Variants in RCN2 observed in about 807,000 individuals in gnomAD.
RCN2 encodes the protein reticulocalbin 2.
A neutral mutation model predicts 37.5 loss-of-function variants in RCN2; 23 were observed. That is an observed-to-expected ratio of 0.61 (90% CI 0.44 to 0.87). The LOEUF (loss-of-function observed/expected upper bound fraction) is 0.87, where lower values mean the gene tolerates loss of function less well. Ranked by LOEUF, RCN2 falls within the 40% of genes least tolerant of loss-of-function variation. The pLI, the probability that RCN2 is intolerant of heterozygous loss-of-function variation, is 0.00. For synonymous variants in RCN2, 140 were observed against 144.6 expected (o/e 0.97, Z 0.23); for missense variants, 381 against 390.4 (o/e 0.98, Z 0.20).
intron 4 of RCN2, among the ~76,000 whole-genome samples, chr15:76,945,742 C>G (rs573933007): frequency 6.6e-6 from 1 of 152,130 alleles, no homozygotes; most frequent in Non-Finnish European, 1.5e-5. Flanking sequence ...CATGGTAGAC[C>G]CTGCTGCCTT....
At position 76,932,587 on chromosome 15, in the gene RCN2, G is replaced by T. The variant is rs2075229157; in HGVS notation, c.250+121G>T. On this transcript the variant is annotated intron_variant, in intron 2 of 6. Coordinates refer to ENST00000394885, the MANE Select transcript of RCN2 (RefSeq NM_002902.3). Reference sequence around the variant, plus strand: ...GGAAGTCCTGTGAGAAGGAGAAAAGGACATGGAGAATAGGCTTTATACTTA... The same window carrying T: ...GGAAGTCCTGTGAGAAGGAGAAAAGTACATGGAGAATAGGCTTTATACTTA... 12 of 698,022 alleles carry T rather than the reference G, an allele frequency of 1.7e-5. No individual in the cohort carries two copies. The South Asian group carries it at 1.9e-4, about 11-fold the overall frequency. The allele number at this position is 698,022 out of a possible 1,614,324, so 43.2% of individuals were successfully genotyped here. A position where few individuals can be genotyped will look rare whatever the true frequency, so the allele number is the denominator to read the frequency against.
In RCN2 at chr15:76,949,251, G is replaced by C; in HGVS notation, c.*29G>C. The C allele has an allele frequency of 6.9e-7, 1 of 1,447,568 alleles. No homozygotes were observed. The highest frequency in any genetic ancestry group is 9.3e-7 in the Non-Finnish European group (1 of 1,080,974). The allele number at this position is 1,447,568 out of a possible 1,614,324, so 89.7% of individuals were successfully genotyped here. A position where few individuals can be genotyped will look rare whatever the true frequency, so the allele number is the denominator to read the frequency against. On this transcript the variant is annotated 3_prime_UTR_variant, in exon 7 of 7. Coordinates refer to ENST00000394885, the MANE Select transcript of RCN2 (RefSeq NM_002902.3). ...CTGAGCCTGTCTCAGTAGAGTACTGGCTCCTTTTATAATTTGTTACCAGCT... is the reference window on the plus strand; with the variant it reads ...CTGAGCCTGTCTCAGTAGAGTACTGCCTCCTTTTATAATTTGTTACCAGCT...
chr15:76,932,548 T>C, intron 2 of RCN2, 82 bp downstream of exon 2: 1 of 941,400 alleles, frequency 1.1e-6, no homozygotes, highest in Non-Finnish European at 1.7e-6. Flanking sequence ...TATAGATTGC[T>C]AGTGTCCCAA....
At chr15:76,947,271 G>A (rs1222487485) in intron 4 of RCN2, 150 bp from the exon 5 acceptor site, 1 of 567,272 alleles carries the variant, frequency 1.8e-6, no homozygotes, top group Non-Finnish European at 3.1e-6. Flanking sequence ...GATTTTTCCT[G>A]TATAAGTACC....
chr15:76,932,239 G>C, intron 1 of RCN2, 122 bp from the exon 2 acceptor site: 1 of 792,420 alleles, frequency 1.3e-6, no homozygotes, highest in Non-Finnish European at 2.1e-6. Context: ...GCCTTGAAGT[G>C]CAGGTGCGGG....
chr15:76,948,337 G>A, intron 5 of RCN2, 73 bp from the exon 6 acceptor site: 1 of 1,045,584 alleles, frequency 9.6e-7, no homozygotes, highest in Non-Finnish European at 1.3e-6. Context: ...CTTTATTCTA[G>A]GGATATACCA....
Position 76,946,594 on chromosome 15 carries a change from A to C in RCN2, c.562-827A>C, listed in dbSNP as rs550679209. 7.9e-5 allele frequency among the ~76,000 whole-genome samples: 12 copies of C among 152,330 alleles called. No homozygotes were observed. In the East Asian group the frequency reaches 2.3e-3, roughly 29 times the overall value. ...TGGCAAAACACTGTCTCTACTAAAA[A>C]TATAAAAGTTAGCTGGGTGTGGTGG... On this transcript the variant is annotated intron_variant, in intron 4 of 6. Coordinates refer to ENST00000394885, the MANE Select transcript of RCN2 (RefSeq NM_002902.3).
rs1408026977 is a variant in RCN2 at position 76,950,901 on chromosome 15, G to A, written c.*1679G>A. ...TACTGCCGCATCTTTGCTGATGTGA[G>A]GTGTGCTTGCAAATTGTAAGCTTCC... On this transcript the variant is annotated 3_prime_UTR_variant, in exon 7 of 7. Coordinates refer to ENST00000394885, the MANE Select transcript of RCN2 (RefSeq NM_002902.3). 7 of 152,298 alleles carry A rather than the reference G, an allele frequency of 4.6e-5. No homozygotes were observed. The highest frequency in any genetic ancestry group is 2.1e-4 in the South Asian group (1 of 4,826). 9.4% of individuals were successfully genotyped at this position (152,298 alleles called of 1,614,324 possible). A position where few individuals can be genotyped will look rare whatever the true frequency, so the allele number is the denominator to read the frequency against.
chr15:76,949,753 G>T lies in RCN2; in HGVS notation c.*531G>T, dbSNP rs1290912334. 1 of 152,430 alleles carries T rather than the reference G, an allele frequency of 6.6e-6. No individual in the cohort carries two copies. Among genetic ancestry groups the T allele is most frequent in the Non-Finnish European group, 1.5e-5 (1 of 68,006 alleles). The allele number at this position is 152,430 out of a possible 1,614,324, so 9.4% of individuals were successfully genotyped here. On this transcript the variant is annotated 3_prime_UTR_variant, in exon 7 of 7. Transcript: ENST00000394885. ...TAATTTTAAAATGGTTTCTATAAAG[G>T]GTTTTATTGTATGAAATAGAACTTT...
rs745929467 is a variant in RCN2, at chr15:76,952,156, A to G, written c.*2934A>G. On this transcript the variant is annotated 3_prime_UTR_variant, in exon 7 of 7. Transcript: ENST00000394885. The stretch of plus-strand genomic sequence containing the variant: ...ACTATCCTATCCTATATGTCATGAG[A>G]TAGTACCTACCAGAGTGGTACATTT... The G allele has an allele frequency of 2.0e-5, 3 of 152,112 alleles. No homozygotes were observed. Among genetic ancestry groups the G allele is most frequent in the African/African-American group, 4.8e-5 (2 of 41,402 alleles). The allele number at this position is 152,112 out of a possible 1,614,324, so 9.4% of individuals were successfully genotyped here. A position where few individuals can be genotyped will look rare whatever the true frequency, so the allele number is the denominator to read the frequency against.
Position 76,952,310 on chromosome 15 carries a change from A to T in RCN2, c.*3088A>T, listed in dbSNP as rs1470428594. 6.6e-6 allele frequency: 1 copy of T among 152,192 alleles called. No homozygotes were observed. Among genetic ancestry groups the T allele is most frequent in the Non-Finnish European group, 1.5e-5 (1 of 68,050 alleles). 9.4% of individuals were successfully genotyped at this position (152,192 alleles called of 1,614,324 possible). On this transcript the variant is annotated 3_prime_UTR_variant, in exon 7 of 7. Coordinates refer to ENST00000394885, the MANE Select transcript of RCN2 (RefSeq NM_002902.3). ...TATAATTACATATTCCCACCATTGT[A>T]GTGTGGTAGAATATTTCCCTTGCCC...
Position 76,931,954 on chromosome 15 carries a change from A to T in RCN2, c.113A>T (p.Asp38Val). 1 of 1,280,140 alleles carries T rather than the reference A, an allele frequency of 7.8e-7. No individual in the cohort carries two copies. 79.3% of individuals were successfully genotyped at this position (1,280,140 alleles called of 1,614,324 possible). ...LHYPLGERRS[D>V]YDREALLGVQ... is the part of the protein sequence containing the mutation. ...TACCCGCTGGGCGAGCGCCGCAGCG[A>T]CTACGACCGCGAGGCGCTGCTGGGC... Residue 38 changes from aspartate (D) to valine (V), a missense_variant, in exon 1 of 7, where the codon GAC becomes GTC. Coordinates refer to ENST00000394885, the MANE Select transcript of RCN2 (RefSeq NM_002902.3).
chr15:76,943,665 G>T, intron 3 of RCN2, 93 bp from the exon 4 acceptor site: 2 of 671,214 alleles, frequency 3.0e-6, no homozygotes, highest in Non-Finnish European at 5.3e-6. Context: ...ATGAGATAAC[G>T]GATGGGAATG....
intron 2 of RCN2, among the ~76,000 whole-genome samples, chr15:76,933,718 C>T (rs1250141631): frequency 6.6e-6 from 1 of 152,194 alleles, no homozygotes; most frequent in South Asian, 2.1e-4. Flanking sequence ...ATCCCTGTTC[C>T]ATTCTGTTTT....
chr15:76,943,926 T>A (rs992767495), intron 4 of RCN2, 55 bp downstream of exon 4: 6 of 843,634 alleles, frequency 7.1e-6, no homozygotes, highest in South Asian at 1.7e-5. Context: ...TTTAAAAAAA[T>A]ATATTTAAAA....
chr15:76,932,287 G>C (rs572959203), intron 1 of RCN2, 74 bp from the exon 2 acceptor site: 91 of 1,179,786 alleles, frequency 7.7e-5, no homozygotes, highest in Middle Eastern at 2.1e-4. Context: ...TCTTCTAGTA[G>C]CCCTGTTTTT....
In RCN2 at chr15:76,949,470, C is replaced by T. The variant is rs911120361; in HGVS notation, c.*248C>T. The stretch of plus-strand genomic sequence containing the variant: ...ATGACAACAAAGTCTTTCCTAAATA[C>T]TCCATCTGTTTAGTACTGTATTGTG... On this transcript the variant is annotated 3_prime_UTR_variant, in exon 7 of 7. Transcript: ENST00000394885. The T allele has an allele frequency of 3.3e-6, 1 of 307,452 alleles. No homozygotes were observed. Among genetic ancestry groups the T allele is most frequent in the South Asian group, 9.7e-5 (1 of 10,332 alleles). The allele number at this position is 307,452 out of a possible 1,614,324, so 19.0% of individuals were successfully genotyped here. A position where few individuals can be genotyped will look rare whatever the true frequency, so the allele number is the denominator to read the frequency against.
rs181998411 is a variant in RCN2 at position 76,948,148 on chromosome 15, G to A, written c.659-262G>A. 18 of 274,082 alleles carry A rather than the reference G, an allele frequency of 6.6e-5. No individual in the cohort carries two copies. The South Asian group carries it at 1.4e-3, about 21-fold the overall frequency. 17.0% of individuals were successfully genotyped at this position (274,082 alleles called of 1,614,324 possible). On this transcript the variant is annotated intron_variant, in intron 5 of 6. Transcript: ENST00000394885. The stretch of plus-strand genomic sequence containing the variant: ...CTCACATCTGGGAAAACTAGATATC[G>A]GAACAAATAGCAGTTAACAAAATTA...
chr15:76,943,766 A>AATATTTAAAAT lies in RCN2; in HGVS notation c.457_458insTATTTAAAATA (p.Lys153IlefsTer21), dbSNP rs2075284487. 1 of 1,587,898 alleles carries AATATTTAAAAT rather than the reference A, an allele frequency of 6.3e-7. No individual in the cohort carries two copies. Among genetic ancestry groups the AATATTTAAAAT allele is most frequent in the African/African-American group, 1.3e-5 (1 of 74,234 alleles). On this transcript the variant is annotated frameshift_variant, in exon 4 of 7. Transcript: ENST00000394885. LOFTEE classifies it high-confidence loss of function. ...AATTTTAATTTTCAAAGCTTCACTT[A>AATATTTAAAAT]AAGGACAAGAAGCGATTTGAAAAAG...
Sources: gnomAD v4.1 joint callset for allele counts (sites outside exome capture counted in the v4.1 genomes callset) on GRCh38, gnomAD v4.1.1 for gene constraint, MANE v1.5 for transcripts, NCBI Gene and HGNC (gene_info 2026-07-23, HGNC 2026-07-21) for gene names.